CCDC159: variants seen among roughly 807,000 people sequenced by gnomAD.
CCDC159 encodes coiled-coil domain containing 159, also known as coiled-coil domain-containing protein 159.
Under a neutral mutation model 50.9 loss-of-function variants are expected in CCDC159, and 40 were observed. That is an observed-to-expected ratio of 0.79 (90% CI 0.61 to 1.02). The LOEUF (loss-of-function observed/expected upper bound fraction) is 1.02. Among genes scored for constraint, CCDC159 ranks in the 50% least tolerant of loss-of-function variants. CCDC159 has a pLI of 0.00. For missense variants in CCDC159, 356 were observed against 371.5 expected (o/e 0.96, Z 0.34); for synonymous variants, 146 against 138.9 (o/e 1.05, Z -0.36).
At chr19:11,351,527 TGA>T in intron 5 of CCDC159, 1 of 192,944 alleles carries the variant, frequency 5.2e-6, no homozygotes, top group Non-Finnish European at 1.0e-5. Context: ...AGTGGGAAAC[TGA>T]GAGGCCAGAA....
chr19:11,347,526 C>T (rs1005653832), intron 1 of CCDC159, among the ~76,000 whole-genome samples: 2 of 152,148 alleles, frequency 1.3e-5, no homozygotes, highest in African/African-American at 2.4e-5. Context: ...GATGGGGTTT[C>T]TCCATGTTGG....
At chr19:11,349,792 C>A in intron 2 of CCDC159, 105 bp downstream of exon 2, 1 of 1,188,482 alleles carries the variant, frequency 8.4e-7, no homozygotes, top group Non-Finnish European at 1.2e-6. Context: ...GTCACCCATT[C>A]ACTCCTGCCC....
rs1431934341 is a variant in CCDC159 at position 11,349,636 on chromosome 19, C to G, written c.22-18C>G. 1.9e-6 allele frequency: 3 copies of G among 1,613,064 alleles called. No homozygotes were observed. The highest frequency in any genetic ancestry group is 1.7e-4 in the Middle Eastern group (1 of 6,058). On this transcript the variant is annotated intron_variant, in intron 1 of 10. Coordinates refer to ENST00000458408, the MANE Select transcript of CCDC159 (RefSeq NM_001080503.3). The stretch of plus-strand genomic sequence containing the variant: ...CTCAGGGACAAATTTCTACTCCCAT[C>G]TCATCTCTCTTCCTTAGAAGCCCTT...
At chr19:11,349,295 A>G (rs896257753) in intron 1 of CCDC159, 1 of 721,928 alleles carries the variant, frequency 1.4e-6, no homozygotes, top group African/African-American at 1.8e-5. Context: ...ACTCCCATGA[A>G]TGCACCCACT....
chr19:11,348,094 A>G, intron 1 of CCDC159: 1 of 454,622 alleles, frequency 2.2e-6, no homozygotes, highest in Non-Finnish European at 4.4e-6. Flanking sequence ...TGAATTTACC[A>G]GCATAGAGCA....
In CCDC159 at chr19:11,352,096, T is replaced by C. The variant is rs1967619386; in HGVS notation, c.530T>C (p.Ile177Thr). ...GAGATCTCAGAGAACTTGGTGAACA[T>C]TCAGAAAATGCAGAAAACGCAGGTG... ...EDEISENLVN[I>T]QKMQKTQVKC... is the part of the protein sequence containing the mutation. The change falls in exon 7 of 11, where the codon ATT becomes ACT. Residue 177 changes from isoleucine to threonine, a missense_variant. Ile to Thr is a moderately conservative substitution (Grantham distance 89, BLOSUM62 -1). Coordinates refer to ENST00000458408, the MANE Select transcript of CCDC159 (RefSeq NM_001080503.3). 3 of 1,613,640 alleles carry C rather than the reference T, an allele frequency of 1.9e-6. No homozygotes were observed. Among genetic ancestry groups the C allele is most frequent in the Non-Finnish European group, 8.5e-7 (1 of 1,179,798 alleles).
At chr19:11,351,813 A>C in intron 5 of CCDC159, 93 bp from the exon 6 acceptor site, 9 of 1,078,858 alleles carry the variant, frequency 8.3e-6, no homozygotes, top group Non-Finnish European at 1.2e-5. Flanking sequence ...GGGAGGGGAC[A>C]GAGCTTGCGG....
rs1255638050 is a variant in CCDC159, at chr19:11,349,150, CTGT to C, written c.22-503_22-501del. The C allele has an allele frequency of 9.6e-6, 13 of 1,350,860 alleles. No individual in the cohort carries two copies. The African/African-American group carries it at 1.9e-4, about 20-fold the overall frequency. 83.7% of individuals were successfully genotyped at this position (1,350,860 alleles called of 1,614,324 possible). On this transcript the variant is annotated intron_variant, in intron 1 of 10. Transcript: ENST00000458408. Reference sequence around the variant, plus strand: ...CCAGTCCAGACCTGCAGAAGCAGTGCTGTAATGACCAGGACATTTTGAAGAGGC... The same window carrying C: ...CCAGTCCAGACCTGCAGAAGCAGTGCAATGACCAGGACATTTTGAAGAGGC...
At chr19:11,349,606 G>C in intron 1 of CCDC159, 48 bp from the exon 2 acceptor site, 2 of 1,607,722 alleles carry the variant, frequency 1.2e-6, no homozygotes, top group Non-Finnish European at 1.7e-6. Context: ...TGAGCAAGGA[G>C]GCAGCTCAGG....
At chr19:11,349,106 C>T (rs981703636) in intron 1 of CCDC159, 1 of 1,349,432 alleles carries the variant, frequency 7.4e-7, no homozygotes, top group Non-Finnish European at 9.8e-7. Flanking sequence ...GCCTTCGCCA[C>T]ATGAGGCTGC....
At chr19:11,350,381 T>TGTC (rs1230102646) in intron 4 of CCDC159, among the ~76,000 whole-genome samples, 182 bp downstream of exon 4, 1 of 144,306 alleles carries the variant, frequency 6.9e-6, no homozygotes, top group African/African-American at 2.6e-5. Flanking sequence ...AGCCAGGTGC[T>TGTC]GTCACTCATG....
Position 11,354,904 on chromosome 19 carries a change from C to A in CCDC159, c.*27C>A. ...CAGCCGGGACTGCTCTCCCTGAAGA[C>A]CCCTCCAGAGAGAAAATAAACTAGC... On this transcript the variant is annotated 3_prime_UTR_variant, in exon 11 of 11. Transcript: ENST00000458408. The A allele has an allele frequency of 6.2e-7, 1 of 1,612,822 alleles. No individual in the cohort carries two copies. Among genetic ancestry groups the A allele is most frequent in the Non-Finnish European group, 8.5e-7 (1 of 1,179,042 alleles).
At position 11,350,833 on chromosome 19, in the gene CCDC159, G is replaced by C. The variant is rs376131184; in HGVS notation, c.252G>C (p.Gln84His). 2.6e-6 allele frequency: 4 copies of C among 1,550,364 alleles called. No individual in the cohort carries two copies. The African/African-American group carries it at 5.5e-5, about 21-fold the overall frequency. Residue 84 changes from glutamine (Q) to histidine (H), a missense_variant, in exon 5 of 11, where the codon CAG becomes CAC. By Grantham distance (24) the Gln-to-His change is conservative. Coordinates refer to ENST00000458408, the MANE Select transcript of CCDC159 (RefSeq NM_001080503.3). ...LEEVLSPTGR[Q>H]GEKEEHKWGM... is the part of the protein sequence containing the mutation. ...AGGTGCTGAGCCCCACAGGCCGCCA[G>C]GGAGAGAAGGAGGAGCACAAGTGGG...
chr19:11,350,305 G>A (rs1967500070), intron 4 of CCDC159, 106 bp downstream of exon 4: 1 of 871,328 alleles, frequency 1.1e-6, no homozygotes, highest in Admixed American at 2.2e-5. Context: ...CTTGAGGTCA[G>A]GAGTTTGAGA....
intron 5 of CCDC159, chr19:11,351,295 G>T: frequency 3.2e-6 from 1 of 313,304 alleles, no homozygotes; most frequent in South Asian, 4.1e-5. Context: ...GAATTAGTCA[G>T]GCATGGCGGC....
chr19:11,354,542 C>A, intron 9 of CCDC159, 38 bp from the exon 10 acceptor site: 1 of 1,538,462 alleles, frequency 6.5e-7, no homozygotes, highest in Non-Finnish European at 8.8e-7. Flanking sequence ...TTGGGGGTTA[C>A]TTGAGGGTCA....
Position 11,351,940 on chromosome 19 carries a change from C to A in CCDC159, c.457C>A (p.Arg153=). 1 of 1,603,958 alleles carries A rather than the reference C, an allele frequency of 6.2e-7. No individual in the cohort carries two copies. Among genetic ancestry groups the A allele is most frequent in the Non-Finnish European group, 8.5e-7 (1 of 1,175,714 alleles). The change falls in exon 6 of 11, where the codon CGG becomes AGG. Residue 153 remains arginine, a synonymous_variant. Coordinates refer to ENST00000458408, the MANE Select transcript of CCDC159 (RefSeq NM_001080503.3). The part of the protein sequence containing the change: ...KFLWEELELV[R]EEVTFIYQKL... The stretch of plus-strand genomic sequence containing the variant: ...CCTGTGGGAGGAGCTGGAACTGGTG[C>A]GGGAGGAGGTGACCTTCATCTATCA...
At chr19:11,349,096 G>A in intron 1 of CCDC159, 3 of 1,348,336 alleles carry the variant, frequency 2.2e-6, no homozygotes, top group Non-Finnish European at 2.9e-6. Flanking sequence ...GGGGCTCAGG[G>A]CCTTCGCCAC....
At chr19:11,354,847 C>A (rs770524816) in intron 10 of CCDC159, 26 bp from the exon 11 acceptor site, 1 of 1,613,078 alleles carries the variant, frequency 6.2e-7, no homozygotes, top group Non-Finnish European at 8.5e-7. Flanking sequence ...CCTGGCCAGG[C>A]CCTGACCCAC....
Sources: allele counts gnomAD v4.1 joint callset (sites outside exome capture counted in the v4.1 genomes callset), GRCh38; gene constraint gnomAD v4.1.1; transcripts MANE v1.5; gene names NCBI Gene and HGNC (gene_info 2026-07-23, HGNC 2026-07-21).